The following IDO2 variants were observed in gnomAD, a reference collection of about 807,000 sequenced individuals.
IDO2 encodes indoleamine 2,3-dioxygenase 2, also known as indoleamine 2,3-dioxygenase-like 1 protein.
Under a neutral mutation model 45.1 loss-of-function variants are expected in IDO2, and 46 were observed. The observed-to-expected ratio is 1.02, with a 90% CI of 0.80 to 1.30. The LOEUF (loss-of-function observed/expected upper bound fraction) is 1.30, where lower values mean the gene tolerates loss of function less well. Among genes scored for constraint, IDO2 ranks in the 50% most tolerant of loss-of-function variants. The pLI is 0.00. For synonymous variants in IDO2, 218 were observed against 184.9 expected (o/e 1.18, Z -1.45); for missense variants, 544 against 491.8 (o/e 1.11, Z -1.00).
chr8:39,953,059 C>T (rs186473305), intron 2 of IDO2, among the ~76,000 whole-genome samples: 88 of 152,166 alleles, frequency 5.8e-4, no homozygotes, highest in Non-Finnish European at 6.5e-4. Flanking sequence ...TGAACCACTG[C>T]GCCTGGCCTA....
chr8:39,986,396 T>C (rs1189447007), intron 6 of IDO2: 1 of 152,114 alleles, frequency 6.6e-6, no homozygotes, highest in Admixed American at 6.6e-5. Context: ...GTAGAAAAAC[T>C]GGGCAGATGG....
intron 8 of IDO2, chr8:39,995,197 T>TCTCCTTCTCCTTCTCCTTCTCCTTCTC (rs71220809): frequency 5.0e-5 from 4 of 80,568 alleles, no homozygotes; most frequent in African/African-American, 2.0e-4. Context: ...TTCTTCTTCT[T>TCTCCTTCTCCTTCTCCTTCTCCTTCTC]CTTCTCCTTC....
At chr8:40,001,312 C>T (rs1168234650) in intron 8 of IDO2, among the ~76,000 whole-genome samples, 3 of 131,810 alleles carry the variant, frequency 2.3e-5, no homozygotes, top group African/African-American at 5.9e-5. Flanking sequence ...TGCAGTGGTG[C>T]GATCTTGGCT....
At chr8:40,004,525 T>TGATACATA (rs1554549466) in intron 8 of IDO2, among the ~76,000 whole-genome samples, 1 of 144,398 alleles carries the variant, frequency 6.9e-6, no homozygotes, top group Non-Finnish European at 1.5e-5. Flanking sequence ...GACAGACAGA[T>TGATACATA]GATAGATAGA....
chr8:40,015,754 A>T, exon 11 of IDO2: 1 of 624,318 alleles, frequency 1.6e-6, no homozygotes, highest in Non-Finnish European at 2.8e-6. Flanking sequence ...CCTTGTTGAG[A>T]GCTGTTGGCT....
intron 8 of IDO2, chr8:39,998,066 T>C (rs537666355): frequency 1.3e-4 from 30 of 228,780 alleles, no homozygotes; most frequent in Admixed American, 9.3e-4. Flanking sequence ...CCTTTCTGAG[T>C]TTCTGAGGGA....
intron 3 of IDO2, among the ~76,000 whole-genome samples, chr8:39,978,600 T>G (rs1808296612): frequency 1.3e-5 from 2 of 152,068 alleles, no homozygotes; most frequent in South Asian, 4.2e-4. Context: ...GTGCTCCTGC[T>G]CCTGTTTGAT....
rs184866216 is a variant in IDO2, at chr8:39,972,994, T to C, written c.196-6073T>C. Among the ~76,000 whole-genome samples the C allele has an allele frequency of 7.7e-4, 117 of 152,320 alleles. 1 individual carries two copies. Among genetic ancestry groups the C allele is most frequent in the Admixed American group, 5.7e-3 (87 of 15,284 alleles). ...ACATGCACTGGGAAGCCAAGAAATG[T>C]GTGTGATTTGCTTTATTGGGATAGT... On this transcript the variant is annotated intron_variant, in intron 3 of 10. Coordinates refer to ENST00000502986, the Ensembl canonical transcript of IDO2.
In IDO2 at chr8:40,015,416, T is replaced by A. The variant is rs4503083; in HGVS notation, c.1038T>A (p.Tyr346Ter). ...AGGCCCTGGCAGAGCTGCGGAGCTA[T>A]CACATCACCATGGTCACCAAATACC... The change falls in exon 11 of 11, where the codon TAT becomes TAA. Residue 346 changes from tyrosine (Y) to a stop codon, truncating the protein, a stop_gained. Transcript: ENST00000502986. LOFTEE classifies it high-confidence loss of function. 0.21 allele frequency: 334,010 copies of A among 1,613,680 alleles called. 35,935 individuals carry two copies. Among genetic ancestry groups the A allele is most frequent in the East Asian group, 0.37 (16,692 of 44,828 alleles).
intron 1 of IDO2, among the ~76,000 whole-genome samples, chr8:39,945,159 C>T (rs1420462274): frequency 6.6e-6 from 1 of 152,224 alleles, no homozygotes; most frequent in Admixed American, 6.5e-5. Flanking sequence ...GGCCATGCTA[C>T]AGTCTGGGAA....
intron 2 of IDO2, among the ~76,000 whole-genome samples, chr8:39,958,468 C>G (rs529557588): frequency 1.3e-5 from 2 of 152,330 alleles, no homozygotes; most frequent in South Asian, 4.1e-4. Context: ...GTGATCTCAG[C>G]TCACTGCAAC....
At chr8:39,979,088 T>C (rs1372163537) in exon 4 of IDO2, 1 of 1,594,060 alleles carries the variant, frequency 6.3e-7, no homozygotes, top group Non-Finnish European at 8.5e-7. Flanking sequence ...GAGCTGCCAG[T>C]TCCTGAAGGG....
chr8:39,956,521 A>G (rs1807904398), intron 2 of IDO2, among the ~76,000 whole-genome samples: 1 of 152,180 alleles, frequency 6.6e-6, no homozygotes. Flanking sequence ...TTTATTTCTA[A>G]ATAAAAATAT....
At chr8:39,987,923 A>T in exon 7 of IDO2, 1 of 1,612,042 alleles carries the variant, frequency 6.2e-7, no homozygotes, top group Non-Finnish European at 8.5e-7. Flanking sequence ...GCATGGTTTT[A>T]TACTGGTGAC....
intron 2 of IDO2, among the ~76,000 whole-genome samples, chr8:39,958,482 C>T (rs1024254172): frequency 4.6e-5 from 7 of 152,114 alleles, no homozygotes; most frequent in Non-Finnish European, 1.5e-5. Flanking sequence ...CTGCAACCTC[C>T]GCCTCCTGGG....
intron 3 of IDO2, among the ~76,000 whole-genome samples, chr8:39,974,530 C>T (rs530794701): frequency 1.3e-5 from 2 of 152,200 alleles, no homozygotes; most frequent in Non-Finnish European, 2.9e-5. Context: ...CGCCTGTAAT[C>T]CCAGCACTTT....
At chr8:40,009,097 C>T (rs1303906648) in intron 9 of IDO2, among the ~76,000 whole-genome samples, 1 of 152,208 alleles carries the variant, frequency 6.6e-6, no homozygotes, top group Non-Finnish European at 1.5e-5. Flanking sequence ...TCACTGCAAC[C>T]TCTGCCTCCC....
chr8:39,940,689 C>T (rs1807629163), intron 1 of IDO2, among the ~76,000 whole-genome samples: 1 of 152,042 alleles, frequency 6.6e-6, no homozygotes, highest in Non-Finnish European at 1.5e-5. Flanking sequence ...TTCCTACTAT[C>T]TAACTATAAT....
intron 3 of IDO2, among the ~76,000 whole-genome samples, chr8:39,972,500 C>A (rs1318397421): frequency 1.4e-5 from 2 of 144,774 alleles, no homozygotes; most frequent in Non-Finnish European, 3.0e-5. Flanking sequence ...ATCCCAGCTA[C>A]TTGGGAGGCT....
Sources: gnomAD v4.1 joint callset for allele counts (sites outside exome capture counted in the v4.1 genomes callset) on GRCh38, gnomAD v4.1.1 for gene constraint, MANE v1.5 for transcripts, NCBI Gene and HGNC (gene_info 2026-07-23, HGNC 2026-07-21) for gene names.